E2F3: variants seen among roughly 807,000 people sequenced by gnomAD.
E2F3 encodes the protein transcription factor E2F3.
In E2F3, 11 loss-of-function variants were observed where a neutral mutation model predicts 44.4. That is an observed-to-expected ratio of 0.25 (90% CI 0.16 to 0.41). E2F3 has a LOEUF of 0.41. Among genes scored for constraint, E2F3 ranks in the 10% least tolerant of loss-of-function variants. The pLI is 1.00. For missense variants in E2F3, 487 were observed against 583.6 expected, an observed-to-expected ratio of 0.83 and a Z score of 1.70; for synonymous variants, 249 against 253.0, an observed-to-expected ratio of 0.98 and a Z score of 0.15.
chr6:20,455,639 A>G (rs564494398), intron 1 of E2F3, among the ~76,000 whole-genome samples: 15 of 152,250 alleles, frequency 9.9e-5, no homozygotes, highest in Non-Finnish European at 1.9e-4. Context: ...GATTAAGTAC[A>G]AAACTTTCTA....
At chr6:20,443,795 A>C (rs954499131) in intron 1 of E2F3, among the ~76,000 whole-genome samples, 2 of 152,178 alleles carry the variant, frequency 1.3e-5, no homozygotes, top group African/African-American at 4.8e-5. Context: ...CAAAAGAAAA[A>C]TTATTTGAGA....
chr6:20,422,365 T>A (rs572151599), intron 1 of E2F3, among the ~76,000 whole-genome samples: 3 of 152,354 alleles, frequency 2.0e-5, no homozygotes, highest in Non-Finnish European at 4.4e-5. Flanking sequence ...GCTGGTTTGA[T>A]CTTCTATCCA....
chr6:20,486,473 C>T (rs1031170035), intron 4 of E2F3, among the ~76,000 whole-genome samples: 3 of 152,246 alleles, frequency 2.0e-5, no homozygotes, highest in South Asian at 2.1e-4. Context: ...GGGGTTTCAC[C>T]GTGTTAGCCA....
intron 1 of E2F3, among the ~76,000 whole-genome samples, chr6:20,458,990 G>A (rs571694709): frequency 6.6e-6 from 1 of 152,314 alleles, no homozygotes; most frequent in African/African-American, 2.4e-5. Context: ...AGGGCTGGGG[G>A]CGGTGGCTCA....
At chr6:20,414,603 A>G (rs912436550) in intron 1 of E2F3, among the ~76,000 whole-genome samples, 2 of 152,154 alleles carry the variant, frequency 1.3e-5, no homozygotes, top group African/African-American at 4.8e-5. Context: ...TTGACTTTTG[A>G]TATGTTACTT....
At chr6:20,463,979 G>A (rs1016975622) in intron 1 of E2F3, among the ~76,000 whole-genome samples, 1 of 152,164 alleles carries the variant, frequency 6.6e-6, no homozygotes, top group Non-Finnish European at 1.5e-5. Flanking sequence ...CAGAACTCAG[G>A]GAAACAGCAT....
At chr6:20,448,796 G>A (rs965979546) in intron 1 of E2F3, among the ~76,000 whole-genome samples, 1 of 152,158 alleles carries the variant, frequency 6.6e-6, no homozygotes, top group Non-Finnish European at 1.5e-5. Flanking sequence ...TGGGGGTGAG[G>A]GGAGTGCCAC....
chr6:20,465,739 G>A (rs995996518), intron 1 of E2F3, among the ~76,000 whole-genome samples: 1 of 152,054 alleles, frequency 6.6e-6, no homozygotes, highest in Admixed American at 6.5e-5. Flanking sequence ...TTAGAATAAT[G>A]GTCTCCAATC....
chr6:20,414,158 A>G (rs1329789427), intron 1 of E2F3, among the ~76,000 whole-genome samples: 3 of 152,240 alleles, frequency 2.0e-5, no homozygotes, highest in Non-Finnish European at 2.9e-5. Flanking sequence ...TTACAAATAA[A>G]AGAAATTTAA....
At chr6:20,419,033 A>G (rs1241468156) in intron 1 of E2F3, among the ~76,000 whole-genome samples, 2 of 152,122 alleles carry the variant, frequency 1.3e-5, no homozygotes, top group African/African-American at 4.8e-5. Flanking sequence ...TCTATATTTT[A>G]TTTATATAAA....
At chr6:20,441,654 A>G (rs1018105745) in intron 1 of E2F3, among the ~76,000 whole-genome samples, 1 of 151,778 alleles carries the variant, frequency 6.6e-6, no homozygotes, top group Non-Finnish European at 1.5e-5. Flanking sequence ...GGCTCACTAC[A>G]ACCTCCACCT....
At chr6:20,415,126 C>G (rs1759802938) in intron 1 of E2F3, among the ~76,000 whole-genome samples, 1 of 152,158 alleles carries the variant, frequency 6.6e-6, no homozygotes, top group African/African-American at 2.4e-5. Context: ...TACTGAACAC[C>G]CGCTTTTGTG....
chr6:20,445,564 T>C (rs1228614423), intron 1 of E2F3, among the ~76,000 whole-genome samples: 1 of 152,180 alleles, frequency 6.6e-6, no homozygotes, highest in East Asian at 1.9e-4. Flanking sequence ...CCCTCTACAT[T>C]TGTTTATAAA....
chr6:20,413,586 G>A (rs9465734), intron 1 of E2F3, among the ~76,000 whole-genome samples: 4 of 152,122 alleles, frequency 2.6e-5, no homozygotes, highest in East Asian at 1.9e-4. Flanking sequence ...ATTCTCAAGC[G>A]GTTGAGAATC....
rs35566563 is a variant in E2F3, at chr6:20,420,438, G to GGTGT, written c.393+17836_393+17839dup. On this transcript the variant is annotated intron_variant, in intron 1 of 6. Transcript: ENST00000346618. ...GAACTATAGATAATGGGCTTTCTCTGGTGTGTGTGTGTGTGTGTGTGTGTG... is the reference window on the plus strand; with the variant it reads ...GAACTATAGATAATGGGCTTTCTCTGGTGTGTGTGTGTGTGTGTGTGTGTGTGTG... Among the ~76,000 whole-genome samples, 617 of 148,980 alleles carry GGTGT rather than the reference G, an allele frequency of 4.1e-3. 4 individuals carry two copies. Among genetic ancestry groups the GGTGT allele is most frequent in the African/African-American group, 0.013 (513 of 40,764 alleles).
At chr6:20,459,524 T>G (rs2127605865) in intron 1 of E2F3, among the ~76,000 whole-genome samples, 2 of 152,380 alleles carry the variant, frequency 1.3e-5, no homozygotes, top group Middle Eastern at 3.4e-3. Context: ...CCGTTTACAT[T>G]GATTTTTTTT....
chr6:20,436,219 G>A (rs1216644362), intron 1 of E2F3, among the ~76,000 whole-genome samples: 1 of 152,110 alleles, frequency 6.6e-6, no homozygotes, highest in Non-Finnish European at 1.5e-5. Flanking sequence ...GACCTCAGGT[G>A]ATCCACCTGC....
At chr6:20,405,546 C>T (rs1001607678) in intron 1 of E2F3, among the ~76,000 whole-genome samples, 11 of 151,950 alleles carry the variant, frequency 7.2e-5, no homozygotes, top group Admixed American at 3.3e-4. Context: ...TTCTACTGGC[C>T]GGGCGCTGTG....
At chr6:20,459,688 G>A (rs1027185286) in intron 1 of E2F3, among the ~76,000 whole-genome samples, 3 of 151,902 alleles carry the variant, frequency 2.0e-5, no homozygotes, top group Middle Eastern at 3.2e-3. Flanking sequence ...CAGACTCTTC[G>A]TCCCAGCACT....
Sources: gnomAD v4.1 joint callset for allele counts (sites outside exome capture counted in the v4.1 genomes callset) on GRCh38, gnomAD v4.1.1 for gene constraint, MANE v1.5 for transcripts, NCBI Gene and HGNC (gene_info 2026-07-23, HGNC 2026-07-21) for gene names.